The following RGL3 variants were observed in gnomAD, a reference collection of about 807,000 sequenced individuals.
RGL3 encodes the protein ral guanine nucleotide dissociation stimulator-like 3.
A neutral mutation model predicts 90.6 loss-of-function variants in RGL3; 85 were observed. That is an observed-to-expected ratio of 0.94 (90% CI 0.79 to 1.12). The LOEUF is 1.12. Among genes scored for constraint, RGL3 ranks in the 50% most tolerant of loss-of-function variants. RGL3 has a pLI of 0.00. For missense variants in RGL3, 1,034 were observed against 939.2 expected (o/e 1.10, Z -1.32); for synonymous variants, 408 against 385.5 (o/e 1.06, Z -0.68).
rs570069976 is a variant in RGL3 at position 11,394,743 on chromosome 19, ACCT to A, written c.2015-226_2015-224del. On this transcript the variant is annotated intron_variant, in intron 18 of 18. Transcript: ENST00000380456. ...CCTTCCCTTATCATAAGCCTGGGCA[ACCT>A]CCTAATATTCTCCCCCTCACCATAG... 6.9e-4 allele frequency: 339 copies of A among 493,270 alleles called. 2 individuals are homozygous for A. The highest frequency in any genetic ancestry group is 6.2e-3 in the African/African-American group (318 of 51,238). 30.6% of individuals were successfully genotyped at this position (493,270 alleles called of 1,614,324 possible). A position where few individuals can be genotyped will look rare whatever the true frequency, so the allele number is the denominator to read the frequency against.
chr19:11,415,754 G>A (rs907337324), intron 5 of RGL3, among the ~76,000 whole-genome samples, 183 bp downstream of exon 5: 6 of 151,562 alleles, frequency 4.0e-5, no homozygotes, highest in Non-Finnish European at 7.4e-5. Flanking sequence ...GGATACAGGC[G>A]TGAGCCACCA....
intron 5 of RGL3, among the ~76,000 whole-genome samples, chr19:11,407,561 C>CT (rs554081593): frequency 3.6e-4 from 54 of 151,598 alleles, no homozygotes; most frequent in African/African-American, 1.1e-3. Context: ...AATCTGACCT[C>CT]TTTTTTTTGG....
chr19:11,416,950 C>A lies in RGL3; in HGVS notation c.257G>T (p.Arg86Leu). ...RLVGELVFGD[R>L]EQDPSFMPAF... is the part of the protein sequence containing the mutation. ...GGGCATGAAGCTGGGGTCCTGCTCA[C>A]GGTCTCCAAACACCAACTCTCCCAC... The change falls in exon 3 of 19, where the codon CGT (arginine) becomes CTT (leucine). Residue 86 changes from arginine (R) to leucine (L), a missense_variant. Transcript: ENST00000380456. 6.2e-7 allele frequency: 1 copy of A among 1,614,062 alleles called. No homozygotes were observed. Among genetic ancestry groups the A allele is most frequent in the Non-Finnish European group, 8.5e-7 (1 of 1,180,010 alleles).
At chr19:11,398,272 T>C (rs2144717020) in intron 16 of RGL3, among the ~76,000 whole-genome samples, 1 of 152,274 alleles carries the variant, frequency 6.6e-6, no homozygotes, top group Non-Finnish European at 1.5e-5. Context: ...CCCATGCCAA[T>C]GAACAACCCC....
rs559097510 is a variant in RGL3, at chr19:11,413,287, G to A, written c.637+2650C>T. Among the ~76,000 whole-genome samples the A allele has an allele frequency of 2.7e-5, 4 of 150,278 alleles. No individual in the cohort carries two copies. In the South Asian group the frequency reaches 8.4e-4, roughly 32 times the overall value. ...ATGGTAGCTCACGCCTGTAATCCCA[G>A]CACTTTGGGAGACCGAGGTGGGTGG... On this transcript the variant is annotated intron_variant, in intron 5 of 18. Transcript: ENST00000380456.
rs761742056 is a variant in RGL3 at position 11,415,928 on chromosome 19, A to C, written c.637+9T>G. 3 of 1,600,216 alleles carry C rather than the reference A, an allele frequency of 1.9e-6. No homozygotes were observed. In the Admixed American group the frequency reaches 5.3e-5, roughly 28 times the overall value. On this transcript the variant is annotated intron_variant, in intron 5 of 18. Coordinates refer to ENST00000380456, the MANE Select transcript of RGL3 (RefSeq NM_001035223.4). ...TCTCAGAACACGACTGGATCTGAAAACCCCTCACCTGTCCACACCTGAGGC... is the reference window on the plus strand; with the variant it reads ...TCTCAGAACACGACTGGATCTGAAACCCCCTCACCTGTCCACACCTGAGGC...
At chr19:11,406,658 A>T in intron 6 of RGL3, 24 bp from the exon 7 acceptor site, 1 of 1,590,672 alleles carries the variant, frequency 6.3e-7, no homozygotes. Flanking sequence ...GGGGTGTGGG[A>T]TTGGTGCTTA....
intron 5 of RGL3, among the ~76,000 whole-genome samples, chr19:11,410,087 GC>G (rs2144732508): frequency 6.6e-6 from 1 of 151,308 alleles, no homozygotes; most frequent in South Asian, 2.1e-4. Flanking sequence ...TACAGGAGGT[GC>G]CACTATGCCC....
In RGL3 at chr19:11,395,878, C is replaced by T. The variant is rs543786080; in HGVS notation, c.2015-1358G>A. Among the ~76,000 whole-genome samples, 14 of 150,906 alleles carry T rather than the reference C, an allele frequency of 9.3e-5. 1 individual carries two copies. The South Asian group carries it at 2.1e-3, about 23-fold the overall frequency. On this transcript the variant is annotated intron_variant, in intron 18 of 18. Coordinates refer to ENST00000380456, the MANE Select transcript of RGL3 (RefSeq NM_001035223.4). ...TCTTGACTTCGTGATCCACCCGCCT[C>T]GGCCTCCCAAAGTGCTGGGATTACA...
At chr19:11,406,354 G>A (rs1968777805) in intron 7 of RGL3, 65 bp downstream of exon 7, 2 of 1,428,352 alleles carry the variant, frequency 1.4e-6, no homozygotes, top group African/African-American at 1.4e-5. Flanking sequence ...TCTCTCCGGA[G>A]CCCTCATTTT....
Position 11,406,649 on chromosome 19 carries a change from G to A in RGL3, c.781-15C>T, listed in dbSNP as rs1267964846. On this transcript the variant is annotated splice_polypyrimidine_tract_variant and intron_variant, in intron 6 of 18. Coordinates refer to ENST00000380456, the MANE Select transcript of RGL3 (RefSeq NM_001035223.4). ...GAGAAGAGCTCCTGGGCCAGGGGAG[G>A]GGTGTGGGATTGGTGCTTAGCAGAA... The A allele has an allele frequency of 6.3e-7, 1 of 1,580,410 alleles. No individual in the cohort carries two copies. The highest frequency in any genetic ancestry group is 1.7e-4 in the Middle Eastern group (1 of 6,024).
At position 11,418,677 on chromosome 19, in the gene RGL3, GC is replaced by G. The variant is rs1969047704; in HGVS notation, c.140del (p.Gly47AlafsTer20). On this transcript the variant is annotated frameshift_variant, in exon 2 of 19. Coordinates refer to ENST00000380456, the MANE Select transcript of RGL3 (RefSeq NM_001035223.4). LOFTEE classifies it high-confidence loss of function. ...QRRSPAEGPG[G>X]SQAPSPIANT... ...CACCAAACCCCCTCCTCACCTGGCT[GC>G]CCCCGGGGCCCTCCGCCGGGCTCCT... 5 of 1,549,830 alleles carry G rather than the reference GC, an allele frequency of 3.2e-6. No individual in the cohort carries two copies. Among genetic ancestry groups the G allele is most frequent in the South Asian group, 2.4e-5 (2 of 84,818 alleles).
intron 11 of RGL3, 36 bp downstream of exon 11, chr19:11,402,419 G>C: frequency 6.3e-7 from 1 of 1,586,496 alleles, no homozygotes; most frequent in Non-Finnish European, 8.6e-7. Context: ...GGGGCAAGTG[G>C]AGCTGGGGTC....
At chr19:11,413,314 T>A (rs1288679562) in intron 5 of RGL3, among the ~76,000 whole-genome samples, 3 of 150,146 alleles carry the variant, frequency 2.0e-5, no homozygotes, top group Admixed American at 2.0e-4. Flanking sequence ...GGTGGGTGGA[T>A]CACCTGAGGT....
rs748237597 is a variant in RGL3 at position 11,397,537 on chromosome 19, G to A, written c.1807C>T (p.Arg603Ter). The change falls in exon 17 of 19, where the codon CGA (arginine) becomes TGA (stop). Residue 603 changes from arginine (R) to a stop codon, truncating the protein, a stop_gained. Transcript: ENST00000380456. LOFTEE classifies it high-confidence loss of function. The stretch of plus-strand genomic sequence containing the variant: ...CTCTGCTGCGCCGGGAGGGGGATTC[G>A]AGGGCTGCCCAGAGGCAAAGCGAAG... ...RPFALPLGSP[R>*]IPLPAQQSSE... 8.7e-6 allele frequency: 14 copies of A among 1,611,390 alleles called. No individual in the cohort carries two copies. Among genetic ancestry groups the A allele is most frequent in the Admixed American group, 5.0e-5 (3 of 59,610 alleles).
chr19:11,419,202 G>T, intron 1 of RGL3, 44 bp downstream of exon 1: 1 of 1,578,768 alleles, frequency 6.3e-7, no homozygotes, highest in Non-Finnish European at 8.6e-7. Context: ...CTGGACCTGC[G>T]GGTCACCAGG....
intron 13 of RGL3, among the ~76,000 whole-genome samples, 187 bp downstream of exon 13, chr19:11,401,824 G>C (rs1193093959): frequency 6.6e-6 from 1 of 152,126 alleles, no homozygotes; most frequent in Non-Finnish European, 1.5e-5. Flanking sequence ...GGGATTACAC[G>C]AGTAAACCAC....
Position 11,402,649 on chromosome 19 carries a change from C to A in RGL3, c.1242+1G>T. On this transcript the variant is annotated splice_donor_variant, in intron 10 of 18. Transcript: ENST00000380456. LOFTEE classifies it high-confidence loss of function. The stretch of plus-strand genomic sequence containing the variant: ...CCCCATCCCAAACTGTAATCACTCA[C>A]TGAGGGCAGGCTGCCTGGGGTGTTG... The A allele has an allele frequency of 6.2e-7, 1 of 1,614,032 alleles. No individual in the cohort carries two copies. The highest frequency in any genetic ancestry group is 8.5e-7 in the Non-Finnish European group (1 of 1,179,966).
At chr19:11,409,148 T>G in intron 5 of RGL3, among the ~76,000 whole-genome samples, 1 of 144,862 alleles carries the variant, frequency 6.9e-6, no homozygotes, top group Admixed American at 7.1e-5. Flanking sequence ...CACTCTAGCC[T>G]GGGTGACAGA....
Sources: allele counts gnomAD v4.1 joint callset (sites outside exome capture counted in the v4.1 genomes callset), GRCh38; gene constraint gnomAD v4.1.1; transcripts MANE v1.5; gene names NCBI Gene and HGNC (gene_info 2026-07-23, HGNC 2026-07-21).